Variants in MAML3 observed in about 807,000 individuals in gnomAD.
The protein encoded by MAML3 is mastermind-like protein 3.
Under a neutral mutation model 101.9 loss-of-function variants are expected in MAML3, and 27 were observed. The observed-to-expected ratio is 0.27, with a 90% confidence interval of 0.20 to 0.37. The LOEUF is 0.37. Among genes scored for constraint, MAML3 ranks in the 10% least tolerant of loss-of-function variants. MAML3 has a pLI of 1.00. For missense variants in MAML3, 1,316 were observed against 1,444.9 expected, an observed-to-expected ratio of 0.91 and a Z score of 1.45; for synonymous variants, 501 against 555.9, an observed-to-expected ratio of 0.90 and a Z score of 1.39.
At chr4:140,097,756 C>G (rs1278957296) in intron 1 of MAML3, among the ~76,000 whole-genome samples, 1 of 152,220 alleles carries the variant, frequency 6.6e-6, no homozygotes, top group Admixed American at 6.5e-5. Context: ...TTCACAACCT[C>G]ATCTCCAAGC....
intron 2 of MAML3, among the ~76,000 whole-genome samples, chr4:139,781,244 C>A (rs112206345): frequency 6.6e-6 from 1 of 152,006 alleles, no homozygotes; most frequent in Non-Finnish European, 1.5e-5. Context: ...GCAATATAAC[C>A]CACCCACGTT....
chr4:140,019,082 C>A (rs1055300694), intron 1 of MAML3, among the ~76,000 whole-genome samples: 22 of 144,634 alleles, frequency 1.5e-4, no homozygotes, highest in African/African-American at 5.8e-4. Context: ...AATTGTTTTT[C>A]TGTTCACTAA....
chr4:140,025,448 A>G (rs1266033551), intron 1 of MAML3, among the ~76,000 whole-genome samples: 1 of 152,302 alleles, frequency 6.6e-6, no homozygotes, highest in South Asian at 2.1e-4. Context: ...GACAATTTTC[A>G]TGATAGAGTA....
At chr4:139,876,792 G>C (rs1732125260) in intron 2 of MAML3, among the ~76,000 whole-genome samples, 1 of 152,236 alleles carries the variant, frequency 6.6e-6, no homozygotes, top group South Asian at 2.1e-4. Context: ...GTGCCTGCAG[G>C]CTGGGGCTGC....
At chr4:140,054,507 A>G (rs936928359) in intron 1 of MAML3, among the ~76,000 whole-genome samples, 12 of 152,168 alleles carry the variant, frequency 7.9e-5, no homozygotes, top group African/African-American at 2.9e-4. Flanking sequence ...CTTAGTTTCT[A>G]TGAGGATGGT....
intron 1 of MAML3, among the ~76,000 whole-genome samples, chr4:140,065,821 C>T (rs1276794940): frequency 2.0e-5 from 3 of 152,202 alleles, no homozygotes; most frequent in Non-Finnish European, 2.9e-5. Flanking sequence ...CAGCCCACCT[C>T]ACCACCACGA....
chr4:139,864,785 GT>G (rs1731860866), intron 2 of MAML3, among the ~76,000 whole-genome samples: 3 of 150,518 alleles, frequency 2.0e-5, no homozygotes, highest in Admixed American at 2.0e-4. Context: ...CCATCAACAT[GT>G]TTGGGAGCAA....
chr4:140,027,943 G>T (rs1167306637), intron 1 of MAML3, among the ~76,000 whole-genome samples: 1 of 152,132 alleles, frequency 6.6e-6, no homozygotes, highest in Admixed American at 6.5e-5. Flanking sequence ...GATTTATGCT[G>T]TTTGTAGCTC....
intron 1 of MAML3, among the ~76,000 whole-genome samples, chr4:139,982,177 A>G (rs1315509371): frequency 6.6e-6 from 1 of 152,196 alleles, no homozygotes; most frequent in Non-Finnish European, 1.5e-5. Flanking sequence ...ATTTATTTAT[A>G]CCAGTATAGA....
chr4:140,008,215 C>T (rs1177862524), intron 1 of MAML3, among the ~76,000 whole-genome samples: 1 of 152,118 alleles, frequency 6.6e-6, no homozygotes. Context: ...GGCGTGGTGG[C>T]GCATGCCTGT....
At chr4:139,985,751 T>TTAAATA (rs1410808340) in intron 1 of MAML3, among the ~76,000 whole-genome samples, 3 of 152,214 alleles carry the variant, frequency 2.0e-5, no homozygotes, top group African/African-American at 7.2e-5. Flanking sequence ...CATGGCCATA[T>TTAAATA]TTGCCCTAGC....
chr4:139,910,206 T>C (rs1732892809), intron 1 of MAML3, among the ~76,000 whole-genome samples: 1 of 152,190 alleles, frequency 6.6e-6, no homozygotes, highest in South Asian at 2.1e-4. Flanking sequence ...CAACATCACC[T>C]GGGAACTTGT....
At chr4:140,077,047 C>T (rs1318903244) in intron 1 of MAML3, among the ~76,000 whole-genome samples, 4 of 151,944 alleles carry the variant, frequency 2.6e-5, no homozygotes, top group Admixed American at 1.3e-4. Context: ...CCCGCCACCA[C>T]ACCTGGCTAA....
intron 1 of MAML3, among the ~76,000 whole-genome samples, chr4:140,149,956 TTG>T (rs1553981677): frequency 4.3e-4 from 64 of 150,450 alleles, no homozygotes; most frequent in African/African-American, 1.5e-3. Flanking sequence ...TTTTTTTTTT[TTG>T]GTACACAGAA....
intron 1 of MAML3, among the ~76,000 whole-genome samples, chr4:140,004,157 T>C (rs747811341): frequency 1.6e-4 from 24 of 152,220 alleles, no homozygotes; most frequent in Non-Finnish European, 3.4e-4. Context: ...GCTATTTAAA[T>C]TCACAAGGCA....
chr4:139,830,408 C>CTTTT (rs1560807162), intron 2 of MAML3, among the ~76,000 whole-genome samples: 11 of 143,596 alleles, frequency 7.7e-5, no homozygotes, highest in African/African-American at 2.8e-4. Context: ...GCACGCTGTG[C>CTTTT]TATTTTTTTT....
At chr4:139,720,598 A>G (rs1435640416) in intron 4 of MAML3, among the ~76,000 whole-genome samples, 1 of 152,246 alleles carries the variant, frequency 6.6e-6, no homozygotes, top group African/African-American at 2.4e-5. Flanking sequence ...ATTTGTATAT[A>G]AATAGACACC....
At chr4:139,816,101 A>G (rs1057005930) in intron 2 of MAML3, among the ~76,000 whole-genome samples, 2 of 152,116 alleles carry the variant, frequency 1.3e-5, no homozygotes, top group African/African-American at 4.8e-5. Context: ...TGCGAAGATA[A>G]AAATAGAGAT....
At chr4:140,037,774 A>C (rs1578653995) in intron 1 of MAML3, among the ~76,000 whole-genome samples, 1 of 152,232 alleles carries the variant, frequency 6.6e-6, no homozygotes, top group Non-Finnish European at 1.5e-5. Flanking sequence ...AACGCATGTT[A>C]AACTGTACTT....
Sources: allele counts gnomAD v4.1 joint callset (sites outside exome capture counted in the v4.1 genomes callset), GRCh38; gene constraint gnomAD v4.1.1; transcripts MANE v1.5; gene names NCBI Gene and HGNC (gene_info 2026-07-23, HGNC 2026-07-21).